Variants in BLOC1S3 observed in about 807,000 individuals in gnomAD.
BLOC1S3 encodes biogenesis of lysosome-related organelles complex 1 subunit 3.
A neutral mutation model predicts 9.1 loss-of-function variants in BLOC1S3; 7 were observed. That is an observed-to-expected ratio of 0.77 (90% CI 0.44 to 1.45). The LOEUF (loss-of-function observed/expected upper bound fraction) is 1.45, where lower values mean the gene tolerates loss of function less well. BLOC1S3 is among the 40% of genes most tolerant of loss of function. The pLI is 0.01. For missense variants in BLOC1S3, 307 were observed against 315.2 expected, an observed-to-expected ratio of 0.97 and a Z score of 0.20; for synonymous variants, 145 against 158.4, an observed-to-expected ratio of 0.92 and a Z score of 0.64.
chr19:45,201,896 T>C (rs1199506578), intron 2 of BLOC1S3, among the ~76,000 whole-genome samples: 1 of 152,056 alleles, frequency 6.6e-6, no homozygotes, highest in Non-Finnish European at 1.5e-5. Context: ...CCCTTTGGCT[T>C]GGTTCTCATT....
downstream of BLOC1S3, among the ~76,000 whole-genome samples, chr19:45,183,796 T>C (rs1969546178): frequency 6.6e-6 from 1 of 151,638 alleles, no homozygotes; most frequent in Admixed American, 6.6e-5. Flanking sequence ...CCAGCTAGTT[T>C]TTCTATTTTT....
intron 2 of BLOC1S3, among the ~76,000 whole-genome samples, chr19:45,188,792 G>T (rs546400552): frequency 6.6e-6 from 1 of 150,924 alleles, no homozygotes; most frequent in Non-Finnish European, 1.5e-5. Context: ...GACTGGTCTC[G>T]AACTCCTGAC....
chr19:45,194,444 A>G (rs1038338618), intron 2 of BLOC1S3, among the ~76,000 whole-genome samples: 2 of 152,136 alleles, frequency 1.3e-5, no homozygotes, highest in Non-Finnish European at 2.9e-5. Context: ...TAGCAGTATA[A>G]AAACAGACTA....
chr19:45,193,513 C>T (rs1376470630), intron 2 of BLOC1S3, among the ~76,000 whole-genome samples: 1 of 152,084 alleles, frequency 6.6e-6, no homozygotes, highest in African/African-American at 2.4e-5. Context: ...GTCTGTGCTT[C>T]CTCAGAGATG....
At chr19:45,181,909 A>G (rs1599747977), downstream of BLOC1S3, 1 of 162,570 alleles carries the variant, frequency 6.2e-6, no homozygotes, top group East Asian at 1.9e-4. Flanking sequence ...TGGAAGGTGA[A>G]GCTGTAGTTG....
rs549928000 is a variant in BLOC1S3, at chr19:45,208,369, G to A, written n.282+5862G>A. ...TACCTGTAATCTCAGTACTTTGGGAGGCCGAGGTGGGTGGATCATTTGAAG... is the reference window on the plus strand; with the variant it reads ...TACCTGTAATCTCAGTACTTTGGGAAGCCGAGGTGGGTGGATCATTTGAAG... On this transcript the variant is annotated intron_variant and non_coding_transcript_variant, in intron 3 of 3. Coordinates refer to the BLOC1S3 transcript ENST00000591569. Among the ~76,000 whole-genome samples the A allele has an allele frequency of 2.6e-5, 4 of 152,212 alleles. No homozygotes were observed. The South Asian group carries it at 8.3e-4, about 32-fold the overall frequency.
At chr19:45,184,903 CAAAAAAAAAAA>C (rs71338752), downstream of BLOC1S3, among the ~76,000 whole-genome samples, 52 of 48,288 alleles carry the variant, frequency 1.1e-3, no homozygotes, top group East Asian at 5.7e-3. Context: ...CTGTCTCAAA[CAAAAAAAAAAA>C]AAAAAAAAAA....
At chr19:45,193,231 CTCACCTGATTTTGGTTCTTA>C (rs1969620870) in intron 2 of BLOC1S3, among the ~76,000 whole-genome samples, 1 of 150,698 alleles carries the variant, frequency 6.6e-6, no homozygotes, top group Non-Finnish European at 1.5e-5. Context: ...ACTGTGTTCG[CTCACCTGATTTTGGTTCTTA>C]TGAAGTGCTT....
Position 45,180,198 on chromosome 19 carries a change from T to C in BLOC1S3, c.*293T>C. On this transcript the variant is annotated 3_prime_UTR_variant, in exon 2 of 2. Coordinates refer to ENST00000433642, the MANE Select transcript of BLOC1S3 (RefSeq NM_212550.5). ...CTTGGCTCCAGCCTTTGTTACATAG[T>C]TGCTCCTTAATCTGTTTCCACCCTG... The C allele has an allele frequency of 2.9e-6, 1 of 339,354 alleles. No individual in the cohort carries two copies. 21.0% of individuals were successfully genotyped at this position (339,354 alleles called of 1,614,324 possible).
chr19:45,204,664 C>T (rs899983155), intron 3 of BLOC1S3, among the ~76,000 whole-genome samples: 3 of 152,180 alleles, frequency 2.0e-5, no homozygotes, highest in African/African-American at 7.2e-5. Flanking sequence ...ATCTATCTCT[C>T]TCTCCATGCT....
intron 2 of BLOC1S3, among the ~76,000 whole-genome samples, chr19:45,198,083 C>A (rs1969662488): frequency 6.6e-6 from 1 of 152,014 alleles, no homozygotes; most frequent in African/African-American, 2.4e-5. Flanking sequence ...GAAACAAGGT[C>A]CCGAACACTT....
intron 2 of BLOC1S3, among the ~76,000 whole-genome samples, chr19:45,199,370 C>G (rs565969826): frequency 7.6e-6 from 1 of 131,314 alleles, no homozygotes; most frequent in South Asian, 2.6e-4. Flanking sequence ...GGCTGGAGCA[C>G]AGTGGCACGA....
In BLOC1S3 at chr19:45,179,290, C is replaced by T. The variant is rs200767686; in HGVS notation, c.-7C>T. The T allele has an allele frequency of 1.9e-6, 3 of 1,575,456 alleles. No individual in the cohort carries two copies. Among genetic ancestry groups the T allele is most frequent in the Non-Finnish European group, 2.6e-6 (3 of 1,169,892 alleles). On this transcript the variant is annotated splice_region_variant and 5_prime_UTR_variant, in exon 2 of 2. Transcript: ENST00000433642. This position sits in a 1 kb window ranked among gnomAD's most constrained non-coding sequence, Gnocchi z 4.6. ...GTCCCTTCGCTCTTCTCCCCTAGTT[C>T]GGTGCCATGGCGTCCCAGGGTCGTC...
At chr19:45,210,804 A>G (rs990766361) in intron 3 of BLOC1S3, among the ~76,000 whole-genome samples, 3 of 152,200 alleles carry the variant, frequency 2.0e-5, no homozygotes, top group Non-Finnish European at 2.9e-5. Context: ...AAGTACATTG[A>G]CAAACTGAGG....
chr19:45,196,392 A>G lies in BLOC1S3; in HGVS notation n.181-6014A>G, dbSNP rs143779202. Among the ~76,000 whole-genome samples, 346 of 152,050 alleles carry G rather than the reference A, an allele frequency of 2.3e-3. 1 individual carries two copies. Among genetic ancestry groups the G allele is most frequent in the African/African-American group, 8.1e-3 (337 of 41,484 alleles). On this transcript the variant is annotated intron_variant and non_coding_transcript_variant, in intron 2 of 3. Coordinates refer to the BLOC1S3 transcript ENST00000591569. ...GACTCTGTCTCAAATATAATGCAAC[A>G]TGGTGTCCATGGTCCAGGTGAGGCT...
chr19:45,203,123 G>C (rs578066274), intron 3 of BLOC1S3, among the ~76,000 whole-genome samples: 1 of 151,808 alleles, frequency 6.6e-6, no homozygotes, highest in Non-Finnish European at 1.5e-5. Context: ...TTTGGGGCTC[G>C]GGGGCTCAAG....
intron 3 of BLOC1S3, among the ~76,000 whole-genome samples, chr19:45,211,858 C>T (rs989532214): frequency 3.3e-5 from 5 of 152,050 alleles, no homozygotes; most frequent in Admixed American, 6.5e-5. Context: ...ACATCCATCA[C>T]GGGCTGTCCA....
Position 45,179,629 on chromosome 19 carries a change from T to G in BLOC1S3, c.333T>G (p.Leu111=). ...CCCCCGCGCGCTCGCTCCTGCAACTTCGGCTGGCGGAGAGCCAGGCGCGGC... is the reference window on the plus strand; with the variant it reads ...CCCCCGCGCGCTCGCTCCTGCAACTGCGGCTGGCGGAGAGCCAGGCGCGGC... ...APAPARSLLQ[L]RLAESQARLD... Residue 111 remains leucine (L), a synonymous_variant, in exon 2 of 2, where the codon CTT becomes CTG. Transcript: ENST00000433642. This position sits in a 1 kb window ranked among gnomAD's most constrained non-coding sequence, Gnocchi z 4.6. 1 of 1,473,552 alleles carries G rather than the reference T, an allele frequency of 6.8e-7. No individual in the cohort carries two copies. The highest frequency in any genetic ancestry group is 8.9e-7 in the Non-Finnish European group (1 of 1,118,756). 91.3% of individuals were successfully genotyped at this position (1,473,552 alleles called of 1,614,324 possible). A position where few individuals can be genotyped will look rare whatever the true frequency, so the allele number is the denominator to read the frequency against.
At chr19:45,215,199 G>C (rs960941056) in intron 3 of BLOC1S3, among the ~76,000 whole-genome samples, 5 of 151,806 alleles carry the variant, frequency 3.3e-5, no homozygotes, top group African/African-American at 1.2e-4. Context: ...GCATGGGCTG[G>C]GCAACGGTGG....
Sources: allele counts gnomAD v4.1 joint callset (sites outside exome capture counted in the v4.1 genomes callset), GRCh38; gene constraint gnomAD v4.1.1; non-coding constraint Gnocchi (gnomAD v3.1); transcripts MANE v1.5; gene names NCBI Gene and HGNC (gene_info 2026-07-23, HGNC 2026-07-21).